Variants in FLT3 observed in about 807,000 individuals in gnomAD.
The protein encoded by FLT3 is fms related receptor tyrosine kinase 3, also known as receptor-type tyrosine-protein kinase FLT3.
FLT3 carries 46 observed loss-of-function variants against 126.6 expected under a neutral mutation model. The observed-to-expected ratio is 0.36, with a 90% CI of 0.29 to 0.46. The LOEUF is 0.46. Among genes scored for constraint, FLT3 ranks in the 20% least tolerant of loss-of-function variants. The pLI, the probability that FLT3 is intolerant of heterozygous loss-of-function variation, is 1.00. For missense variants in FLT3, 1,069 were observed against 1,190.3 expected, an observed-to-expected ratio of 0.90 and a Z score of 1.50; for synonymous variants, 404 against 434.4, an observed-to-expected ratio of 0.93 and a Z score of 0.87.
intron 23 of FLT3, among the ~76,000 whole-genome samples, chr13:28,014,116 A>T (rs973467771): frequency 5.3e-5 from 8 of 152,044 alleles, no homozygotes; most frequent in Non-Finnish European, 7.4e-5. Flanking sequence ...TACAAAAAAT[A>T]AAAAACTTAG....
At chr13:28,073,779 GT>G (rs150991922) in intron 1 of FLT3, among the ~76,000 whole-genome samples, 26,702 of 151,220 alleles carry the variant, frequency 0.18, 2,437 homozygotes, top group Middle Eastern at 0.26. Context: ...ACAAAAATTT[GT>G]TTTTAAAACA....
intron 3 of FLT3, 125 bp from the exon 4 acceptor site, chr13:28,057,587 T>TG: frequency 1.6e-6 from 1 of 632,934 alleles, no homozygotes; most frequent in Non-Finnish European, 2.8e-6. Flanking sequence ...AGCCGCTCTG[T>TG]GGAGAACACA....
chr13:28,084,062 G>C (rs1200821677), intron 1 of FLT3, among the ~76,000 whole-genome samples: 1 of 151,020 alleles, frequency 6.6e-6, no homozygotes, highest in Non-Finnish European at 1.5e-5. Flanking sequence ...TTGCTGTGTT[G>C]CCTTGGCTGG....
chr13:28,061,110 C>A (rs920777424), intron 3 of FLT3, among the ~76,000 whole-genome samples: 3 of 151,670 alleles, frequency 2.0e-5, no homozygotes, highest in Non-Finnish European at 4.4e-5. Flanking sequence ...AATTCCAGTA[C>A]TTTGGGAGGC....
chr13:28,061,229 G>A (rs1398421721), intron 3 of FLT3, among the ~76,000 whole-genome samples: 2 of 151,724 alleles, frequency 1.3e-5, no homozygotes, highest in Non-Finnish European at 2.9e-5. Flanking sequence ...GGTGGTGTGC[G>A]CCTGTGATCC....
intron 1 of FLT3, among the ~76,000 whole-genome samples, chr13:28,097,087 G>A (rs557035490): frequency 3.9e-5 from 6 of 152,034 alleles, no homozygotes; most frequent in African/African-American, 7.2e-5. Flanking sequence ...GTGGTGGCAC[G>A]TGCCTGTGGT....
chr13:28,077,002 A>AAAGG (rs370600138), intron 1 of FLT3, among the ~76,000 whole-genome samples: 1,475 of 139,870 alleles, frequency 0.011, 24 homozygotes, highest in African/African-American at 0.04. Flanking sequence ...AGACAGACAG[A>AAAGG]AAGGAAGGAA....
At chr13:28,036,159 A>G in intron 10 of FLT3, 116 bp from the exon 11 acceptor site, 1 of 792,928 alleles carries the variant, frequency 1.3e-6, no homozygotes, top group Non-Finnish European at 2.2e-6. Flanking sequence ...GGAGTTCAAG[A>G]CCAGCCTGGG....
chr13:28,071,755 A>G (rs1350005639), intron 1 of FLT3, among the ~76,000 whole-genome samples: 1 of 151,986 alleles, frequency 6.6e-6, no homozygotes, highest in Non-Finnish European at 1.5e-5. Context: ...AAGTTATACT[A>G]TTGTGGGGTC....
intron 3 of FLT3, among the ~76,000 whole-genome samples, chr13:28,059,695 C>T (rs1243365157): frequency 6.6e-6 from 1 of 152,148 alleles, no homozygotes; most frequent in Non-Finnish European, 1.5e-5. Flanking sequence ...GATGCTGTGG[C>T]TCATGCCTGT....
chr13:28,076,770 A>G (rs1352608116), intron 1 of FLT3, among the ~76,000 whole-genome samples: 1 of 152,162 alleles, frequency 6.6e-6, no homozygotes, highest in African/African-American at 2.4e-5. Flanking sequence ...TCTACAAAAA[A>G]TACAAAATTA....
At chr13:28,053,355 C>T (rs4769590) in intron 4 of FLT3, among the ~76,000 whole-genome samples, 23,185 of 146,050 alleles carry the variant, frequency 0.16, 2,094 homozygotes, top group Middle Eastern at 0.25. Context: ...TCCAGCCTCT[C>T]TCCTTACAAT....
At chr13:28,077,874 C>A (rs542281550) in intron 1 of FLT3, among the ~76,000 whole-genome samples, 1 of 152,252 alleles carries the variant, frequency 6.6e-6, no homozygotes, top group African/African-American at 2.4e-5. Context: ...GAGAAATTGG[C>A]CAAAACAAAG....
intron 1 of FLT3, among the ~76,000 whole-genome samples, chr13:28,089,422 G>T (rs1878885501): frequency 6.6e-6 from 1 of 151,126 alleles, no homozygotes; most frequent in Non-Finnish European, 1.5e-5. Flanking sequence ...ATTTATAGCT[G>T]TTTTATTCAT....
At chr13:28,070,664 A>C (rs747760844) in intron 1 of FLT3, 52 bp from the exon 2 acceptor site, 2 of 1,404,398 alleles carry the variant, frequency 1.4e-6, no homozygotes, top group South Asian at 2.4e-5. Flanking sequence ...CCTTAAAAAG[A>C]AAACATGCAT....
In FLT3 at chr13:28,009,772, G is replaced by C. The variant is rs9512974; in HGVS notation, c.2859+4680C>G. 4.3e-3 allele frequency among the ~76,000 whole-genome samples: 657 copies of C among 152,186 alleles called. 4 individuals carry two copies. The highest frequency in any genetic ancestry group is 0.017 in the Middle Eastern group (5 of 294). On this transcript the variant is annotated intron_variant, in intron 23 of 23. Coordinates refer to ENST00000241453, the MANE Select transcript of FLT3 (RefSeq NM_004119.3). ...AGATAGGGTTTTACCATGTTGCCCAGACTGGCCTTGAACTCCTGAGCTCAA... is the reference window on the plus strand; with the variant it reads ...AGATAGGGTTTTACCATGTTGCCCACACTGGCCTTGAACTCCTGAGCTCAA...
At chr13:28,096,031 G>A (rs12583184) in intron 1 of FLT3, among the ~76,000 whole-genome samples, 25,135 of 152,028 alleles carry the variant, frequency 0.17, 3,446 homozygotes, top group African/African-American at 0.38. Context: ...TTTCCCATAA[G>A]CATTAAATAC....
chr13:28,086,166 C>T (rs1253155197), intron 1 of FLT3, among the ~76,000 whole-genome samples: 1 of 152,074 alleles, frequency 6.6e-6, no homozygotes. Context: ...TCTTTCTTCT[C>T]TTTTTTCTGC....
intron 1 of FLT3, among the ~76,000 whole-genome samples, chr13:28,091,107 CAA>C (rs777478682): frequency 4.7e-5 from 7 of 149,272 alleles, no homozygotes; most frequent in East Asian, 2.0e-4. Context: ...TTCTGTGAGG[CAA>C]AGAGTTGGAG....
Sources: gnomAD v4.1 joint callset for allele counts (sites outside exome capture counted in the v4.1 genomes callset) on GRCh38, gnomAD v4.1.1 for gene constraint, MANE v1.5 for transcripts, NCBI Gene and HGNC (gene_info 2026-07-23, HGNC 2026-07-21) for gene names.